The following NAALADL2 variants were observed in gnomAD, a reference collection of about 807,000 sequenced individuals.
NAALADL2 encodes N-acetylated alpha-linked acidic dipeptidase like 2, also known as inactive N-acetylated-alpha-linked acidic dipeptidase-like protein 2.
Under a neutral mutation model 87.2 loss-of-function variants are expected in NAALADL2, and 76 were observed. That is an observed-to-expected ratio of 0.87 (90% CI 0.72 to 1.05). NAALADL2 has a LOEUF of 1.05. NAALADL2 is among the 50% of genes least tolerant of loss of function. The pLI is 0.00. For synonymous variants in NAALADL2, 354 were observed against 331.0 expected (o/e 1.07, Z -0.75); for missense variants, 1,089 against 945.8 (o/e 1.15, Z -1.99).
intron 3 of NAALADL2, among the ~76,000 whole-genome samples, chr3:174,782,791 C>T (rs1723037064): frequency 6.6e-6 from 1 of 152,092 alleles, no homozygotes; most frequent in African/African-American, 2.4e-5. Flanking sequence ...AGCATCAGAT[C>T]TTGTGAGAAG....
chr3:175,233,836 C>T (rs2109484669), intron 2 of NAALADL2, 95 bp from the exon 3 acceptor site: 2 of 685,700 alleles, frequency 2.9e-6, no homozygotes, highest in East Asian at 2.7e-5. Context: ...TATTCCACAA[C>T]ATCTATTAAT....
intron 7 of NAALADL2, among the ~76,000 whole-genome samples, chr3:175,463,724 G>GAC (rs1553901946): frequency 1.1e-4 from 16 of 148,242 alleles, no homozygotes; most frequent in Admixed American, 2.7e-4. Flanking sequence ...GAGAGAGAGA[G>GAC]AGAGAGAGAG....
intron 2 of NAALADL2, among the ~76,000 whole-genome samples, chr3:174,602,261 A>T (rs1157100435): frequency 6.6e-6 from 1 of 152,148 alleles, no homozygotes; most frequent in African/African-American, 2.4e-5. Flanking sequence ...TGAACATGGA[A>T]TATCTTCCGG....
intron 5 of NAALADL2, among the ~76,000 whole-genome samples, chr3:175,374,889 T>C (rs1174285214): frequency 2.7e-5 from 4 of 148,314 alleles, no homozygotes; most frequent in African/African-American, 1.0e-4. Flanking sequence ...AATAAATAAA[T>C]AAATAAATAA....
intron 2 of NAALADL2, among the ~76,000 whole-genome samples, chr3:175,197,990 A>G (rs558529800): frequency 1.3e-5 from 2 of 152,120 alleles, no homozygotes; most frequent in Admixed American, 6.6e-5. Context: ...ATAAATATCT[A>G]ATCTGTTGTA....
At chr3:174,711,633 T>C (rs1730641205) in intron 2 of NAALADL2, among the ~76,000 whole-genome samples, 1 of 152,170 alleles carries the variant, frequency 6.6e-6, no homozygotes, top group African/African-American at 2.4e-5. Context: ...CAACCTTTAT[T>C]CTCCCCAAAT....
At chr3:175,785,081 A>ATGTC (rs1423756282) in intron 13 of NAALADL2, among the ~76,000 whole-genome samples, 1 of 151,136 alleles carries the variant, frequency 6.6e-6, no homozygotes. Context: ...GTTTGTTATA[A>ATGTC]TGTCTGTTCT....
At chr3:175,289,591 C>T (rs1459249604) in intron 4 of NAALADL2, among the ~76,000 whole-genome samples, 1 of 93,026 alleles carries the variant, frequency 1.1e-5, no homozygotes, top group Non-Finnish European at 2.2e-5. Flanking sequence ...CACATATAGC[C>T]TCCCTCCCCC....
chr3:174,697,199 T>C (rs1442012806), intron 2 of NAALADL2, among the ~76,000 whole-genome samples: 1 of 152,144 alleles, frequency 6.6e-6, no homozygotes, highest in Non-Finnish European at 1.5e-5. Context: ...GTTTATACTA[T>C]GGAACAATCA....
chr3:174,538,863 T>C (rs981936551), intron 1 of NAALADL2, among the ~76,000 whole-genome samples: 1 of 152,190 alleles, frequency 6.6e-6, no homozygotes, highest in African/African-American at 2.4e-5. Flanking sequence ...CTTTATGGAC[T>C]GCACCAATGT....
chr3:174,534,749 A>C (rs967485246), intron 1 of NAALADL2, among the ~76,000 whole-genome samples: 2 of 152,174 alleles, frequency 1.3e-5, no homozygotes, highest in Non-Finnish European at 2.9e-5. Flanking sequence ...AAACCTGTGC[A>C]TACAGTCACC....
intron 5 of NAALADL2, among the ~76,000 whole-genome samples, chr3:175,446,626 G>A (rs1256203911): frequency 6.6e-6 from 1 of 152,166 alleles, no homozygotes; most frequent in East Asian, 1.9e-4. Flanking sequence ...TTCTGCTGAA[G>A]TGAGGAAGGA....
At chr3:174,883,689 T>A in intron 1 of NAALADL2, among the ~76,000 whole-genome samples, 1 of 152,198 alleles carries the variant, frequency 6.6e-6, no homozygotes, top group Admixed American at 6.5e-5. Flanking sequence ...TTGTAGCTGG[T>A]ATTGATGACT....
At chr3:175,242,015 C>T (rs1264926708) in intron 3 of NAALADL2, among the ~76,000 whole-genome samples, 1 of 151,686 alleles carries the variant, frequency 6.6e-6, no homozygotes, top group Non-Finnish European at 1.5e-5. Flanking sequence ...GCACGCGCCC[C>T]CATGCCCAGC....
intron 1 of NAALADL2, among the ~76,000 whole-genome samples, chr3:174,517,773 C>T (rs550670080): frequency 6.6e-6 from 1 of 152,110 alleles, no homozygotes; most frequent in East Asian, 1.9e-4. Flanking sequence ...TTTCTCATGT[C>T]CTTGTACATG....
rs6773463 is a variant in NAALADL2 at position 174,839,071 on chromosome 3, C to T, written c.-9+101325C>T. 1.4e-3 allele frequency among the ~76,000 whole-genome samples: 208 copies of T among 152,302 alleles called. 1 individual carries two copies. The highest frequency in any genetic ancestry group is 1.8e-3 in the African/African-American group (74 of 41,576). On this transcript the variant is annotated intron_variant, in intron 3 of 3. Transcript: ENST00000434257. ...TAAGCAAAAAGAAGAAATCTGAAGG[C>T]ATCACATTAACTGATTTCCAACTAC...
intron 2 of NAALADL2, among the ~76,000 whole-genome samples, chr3:175,193,217 GT>G (rs557494868): frequency 1.3e-4 from 19 of 148,644 alleles, no homozygotes; most frequent in African/African-American, 3.9e-4. Context: ...CTAGTTGTGT[GT>G]TTTTTTTTCA....
chr3:175,667,262 A>AAAGGAAGGAAGG lies in NAALADL2; in HGVS notation c.1896+39877_1896+39888dup, dbSNP rs57389382. Among the ~76,000 whole-genome samples the AAAGGAAGGAAGG allele has an allele frequency of 1.4e-5, 2 of 144,136 alleles. 1 individual carries two copies. The highest frequency in any genetic ancestry group is 5.6e-5 in the African/African-American group (2 of 35,778). The allele number at this position is 144,136 out of a possible 152,430, so 94.6% of individuals were successfully genotyped here. A position where few individuals can be genotyped will look rare whatever the true frequency, so the allele number is the denominator to read the frequency against. The stretch of plus-strand genomic sequence containing the variant: ...AAGAAAAAGAAAGAAAGAAAGAAAG[A>AAAGGAAGGAAGG]AAGGAAGGAAGGGATGGGGATCTGA... On this transcript the variant is annotated intron_variant, in intron 11 of 13. Transcript: ENST00000454872.
At chr3:174,612,110 A>G (rs1320016225) in intron 2 of NAALADL2, among the ~76,000 whole-genome samples, 1 of 152,076 alleles carries the variant, frequency 6.6e-6, no homozygotes, top group Non-Finnish European at 1.5e-5. Context: ...TTAAGTATGT[A>G]TTGCTGCTCT....
Sources: gnomAD v4.1 joint callset for allele counts (sites outside exome capture counted in the v4.1 genomes callset) on GRCh38, gnomAD v4.1.1 for gene constraint, MANE v1.5 for transcripts, NCBI Gene and HGNC (gene_info 2026-07-23, HGNC 2026-07-21) for gene names.